The following BFSP1 variants were observed in gnomAD, a reference collection of about 807,000 sequenced individuals.
The protein encoded by BFSP1 is beaded filament structural protein 1.
A neutral mutation model predicts 43.9 loss-of-function variants in BFSP1; 38 were observed. The ratio of observed to expected loss-of-function variants is 0.87; its 90% CI spans 0.67 to 1.14. The LOEUF is 1.14. Among genes scored for constraint, BFSP1 ranks in the 50% most tolerant of loss-of-function variants. BFSP1 has a pLI of 0.00. For missense variants in BFSP1, 850 were observed against 875.1 expected (o/e 0.97, Z 0.36); for synonymous variants, 352 against 354.8 (o/e 0.99, Z 0.09).
intron 1 of BFSP1, among the ~76,000 whole-genome samples, chr20:17,555,926 G>A (rs2034983736): frequency 6.6e-6 from 1 of 152,064 alleles, no homozygotes; most frequent in Admixed American, 6.6e-5. Flanking sequence ...ATATACAATA[G>A]AGCCAGAGTA....
At chr20:17,498,681 C>A in intron 6 of BFSP1, 139 bp downstream of exon 6, 1 of 1,011,714 alleles carries the variant, frequency 9.9e-7, no homozygotes. Flanking sequence ...AGTTATCCAA[C>A]ACCCATGGGG....
chr20:17,567,918 A>AG (rs1406617039), intron 1 of BFSP1, among the ~76,000 whole-genome samples: 2 of 150,766 alleles, frequency 1.3e-5, no homozygotes, highest in Non-Finnish European at 3.0e-5. Context: ...AGAAGGAACT[A>AG]GGGGGGTGAA....
chr20:17,535,760 G>A (rs951165262), upstream of BFSP1, among the ~76,000 whole-genome samples: 3 of 152,112 alleles, frequency 2.0e-5, no homozygotes, highest in African/African-American at 7.2e-5. Context: ...CCTGCAAAAA[G>A]TGTGATCACC....
At chr20:17,568,283 G>C (rs868654726) in intron 1 of BFSP1, among the ~76,000 whole-genome samples, 22 of 152,218 alleles carry the variant, frequency 1.4e-4, no homozygotes, top group Middle Eastern at 6.8e-3. Flanking sequence ...ACCTAACTCT[G>C]GTGGCAGAGT....
At chr20:17,550,634 G>A (rs900581784) in intron 1 of BFSP1, among the ~76,000 whole-genome samples, 10 of 151,756 alleles carry the variant, frequency 6.6e-5, no homozygotes, top group African/African-American at 1.9e-4. Context: ...CACCACACCC[G>A]GCTAATTTTT....
chr20:17,558,330 G>T (rs552440248), intron 1 of BFSP1, among the ~76,000 whole-genome samples: 21 of 152,338 alleles, frequency 1.4e-4, no homozygotes, highest in African/African-American at 4.8e-4. Context: ...TCTCAGGGAA[G>T]TTTCTGGCCT....
Position 17,514,789 on chromosome 20 carries a change from G to T in BFSP1, c.466C>A (p.Leu156Ile), listed in dbSNP as rs753977790. Reference sequence around the variant, plus strand: ...AATTGGGCTTCCAGCTGAAGGCGTAGGTTATGCAGCAAGGCTTCATCAGCT... The same window carrying T: ...AATTGGGCTTCCAGCTGAAGGCGTATGTTATGCAGCAAGGCTTCATCAGCT... ...KEADEALLHN[L>I]RLQLEAQFLQ... The change falls in exon 3 of 8, where the codon CTA (leucine) becomes ATA (isoleucine). Residue 156 changes from leucine (L) to isoleucine (I), a missense_variant. By Grantham distance (5) the Leu-to-Ile change is conservative. Coordinates refer to ENST00000377873, the MANE Select transcript of BFSP1 (RefSeq NM_001195.5). 1 of 1,613,974 alleles carries T rather than the reference G, an allele frequency of 6.2e-7. No homozygotes were observed. Among genetic ancestry groups the T allele is most frequent in the South Asian group, 1.1e-5 (1 of 91,050 alleles).
At chr20:17,511,094 G>T (rs1440341879) in intron 4 of BFSP1, among the ~76,000 whole-genome samples, 1 of 147,390 alleles carries the variant, frequency 6.8e-6, no homozygotes, top group East Asian at 1.9e-4. Context: ...TTACAAGCAT[G>T]AGCCACCTCA....
chr20:17,498,089 C>T (rs553307598), intron 6 of BFSP1, among the ~76,000 whole-genome samples: 7 of 152,296 alleles, frequency 4.6e-5, no homozygotes, highest in African/African-American at 7.2e-5. Context: ...GCACCCAGCG[C>T]GAAGGGAAGA....
intron 7 of BFSP1, 150 bp downstream of exon 7, chr20:17,496,788 G>T: frequency 1.4e-6 from 1 of 697,470 alleles, no homozygotes; most frequent in Non-Finnish European, 2.2e-6. Flanking sequence ...AGCCAGAGAG[G>T]GCAGAGGGTG....
At chr20:17,559,622 G>A (rs894173244), upstream of BFSP1, among the ~76,000 whole-genome samples, 4 of 152,120 alleles carry the variant, frequency 2.6e-5, no homozygotes, top group Non-Finnish European at 5.9e-5. Flanking sequence ...TTAGGAATGC[G>A]GCGAGTGAGC....
At chr20:17,510,572 C>T (rs1430363466) in intron 4 of BFSP1, among the ~76,000 whole-genome samples, 1 of 152,192 alleles carries the variant, frequency 6.6e-6, no homozygotes, top group Admixed American at 6.5e-5. Context: ...TTTCCTGTCG[C>T]TTAGATGATA....
At chr20:17,498,722 C>G (rs1431075524) in intron 6 of BFSP1, 98 bp downstream of exon 6, 1 of 1,361,358 alleles carries the variant, frequency 7.3e-7, no homozygotes, top group African/African-American at 1.4e-5. Context: ...TTCCCTGACA[C>G]ATGCCCACTG....
intron 4 of BFSP1, among the ~76,000 whole-genome samples, chr20:17,511,540 G>C (rs1315142559): frequency 1.3e-5 from 2 of 152,096 alleles, no homozygotes; most frequent in East Asian, 3.9e-4. Flanking sequence ...AGTCATTAGG[G>C]GATGCAAATT....
intron 5 of BFSP1, among the ~76,000 whole-genome samples, chr20:17,503,637 C>T (rs190314769): frequency 1.3e-5 from 2 of 152,332 alleles, no homozygotes; most frequent in East Asian, 3.9e-4. Context: ...TTCGAATCTA[C>T]CTGAACAAGG....
intron 2 of BFSP1, among the ~76,000 whole-genome samples, chr20:17,515,516 G>A (rs1394280428): frequency 1.3e-5 from 2 of 152,176 alleles, no homozygotes; most frequent in Non-Finnish European, 2.9e-5. Context: ...CTCTAAGGTT[G>A]GAAACGACAT....
In BFSP1 at chr20:17,531,200, G is replaced by C. The variant is rs772525555; in HGVS notation, c.130C>G (p.Leu44Val). ...GCCACGCGCTCGCCGAGCCCCTGCAGCGCCGCCAGGCTCGTTGCCCCAGCC... is the reference window on the plus strand; with the variant it reads ...GCCACGCGCTCGCCGAGCCCCTGCACCGCCGCCAGGCTCGTTGCCCCAGCC... ...GWAGATSLAA[L>V]QGLGERVAAH... Residue 44 changes from leucine to valine, a missense_variant, in exon 1 of 8, where the codon CTG (leucine) becomes GTG (valine). By Grantham distance (32) the Leu-to-Val change is conservative. Transcript: ENST00000377873. 1.3e-5 allele frequency: 17 copies of C among 1,309,902 alleles called. No homozygotes were observed. The South Asian group carries it at 3.5e-4, about 27-fold the overall frequency. The allele number at this position is 1,309,902 out of a possible 1,614,324, so 81.1% of individuals were successfully genotyped here.
At chr20:17,549,846 A>T (rs1050768052) in intron 1 of BFSP1, among the ~76,000 whole-genome samples, 17 of 152,268 alleles carry the variant, frequency 1.1e-4, no homozygotes, top group African/African-American at 2.9e-4. Context: ...AAAAATAAAT[A>T]AATTAATTAA....
chr20:17,499,302 A>C (rs893452533), intron 5 of BFSP1, among the ~76,000 whole-genome samples: 4 of 143,366 alleles, frequency 2.8e-5, no homozygotes, highest in African/African-American at 7.7e-5. Flanking sequence ...GGAATGCAGG[A>C]GTGCAATCTC....
Sources: gnomAD v4.1 joint callset for allele counts (sites outside exome capture counted in the v4.1 genomes callset) on GRCh38, gnomAD v4.1.1 for gene constraint, MANE v1.5 for transcripts, NCBI Gene and HGNC (gene_info 2026-07-23, HGNC 2026-07-21) for gene names.